PTCHD4: variants seen among roughly 807,000 people sequenced by gnomAD.
The protein encoded by PTCHD4 is patched domain containing 4.
PTCHD4 carries 33 observed loss-of-function variants against 58.1 expected under a neutral mutation model. The ratio of observed to expected loss-of-function variants is 0.57; its 90% CI spans 0.43 to 0.76. The LOEUF is 0.76. Among genes scored for constraint, PTCHD4 ranks in the 30% least tolerant of loss-of-function variants. The pLI is 0.00. For synonymous variants in PTCHD4, 478 were observed against 409.6 expected (o/e 1.17, Z -2.02); for missense variants, 1,058 against 1,027.1 (o/e 1.03, Z -0.41).
At chr6:48,103,224 T>C (rs1265441105) in intron 1 of PTCHD4, among the ~76,000 whole-genome samples, 1 of 152,106 alleles carries the variant, frequency 6.6e-6, no homozygotes, top group Non-Finnish European at 1.5e-5. Flanking sequence ...GACTGACACC[T>C]CACACGGCCG....
chr6:48,042,839 A>T lies in PTCHD4; in HGVS notation c.417+25391T>A, dbSNP rs576031445. On this transcript the variant is annotated intron_variant, in intron 3 of 4. Coordinates refer to ENST00000339488, the MANE Select transcript of PTCHD4 (RefSeq NM_001384253.1). ...TCTATCAATAAGGTGATTAATCAGA[A>T]ACTACTGCCAACAAAATCCAGCACC... 5.9e-5 allele frequency among the ~76,000 whole-genome samples: 9 copies of T among 152,026 alleles called. No individual in the cohort carries two copies. In the East Asian group the frequency reaches 1.7e-3, roughly 29 times the overall value.
At chr6:47,906,624 C>T (rs1177616159) in intron 4 of PTCHD4, among the ~76,000 whole-genome samples, 1 of 152,198 alleles carries the variant, frequency 6.6e-6, no homozygotes, top group East Asian at 1.9e-4. Flanking sequence ...GCCCAAAACC[C>T]AATTTCTTCA....
At chr6:48,052,844 C>G (rs1764279280) in intron 3 of PTCHD4, among the ~76,000 whole-genome samples, 1 of 152,128 alleles carries the variant, frequency 6.6e-6, no homozygotes, top group South Asian at 2.1e-4. Flanking sequence ...AGAAAACATC[C>G]TTTCACCTTA....
At chr6:48,089,596 C>T (rs947262731) in intron 1 of PTCHD4, among the ~76,000 whole-genome samples, 8 of 151,950 alleles carry the variant, frequency 5.3e-5, no homozygotes, top group Admixed American at 3.9e-4. Flanking sequence ...CTTTATTGAC[C>T]CGTTATTGAA....
chr6:47,892,904 C>G (rs897403766), intron 4 of PTCHD4, among the ~76,000 whole-genome samples: 2 of 152,140 alleles, frequency 1.3e-5, no homozygotes, highest in Non-Finnish European at 2.9e-5. Context: ...ACCAGTTAAC[C>G]CAAAAGTTCA....
chr6:47,890,274 A>G (rs1036166659), intron 4 of PTCHD4, among the ~76,000 whole-genome samples: 1 of 152,080 alleles, frequency 6.6e-6, no homozygotes, highest in South Asian at 2.1e-4. Flanking sequence ...GAGATGGGAG[A>G]TGGGGATGCC....
chr6:48,010,814 T>A (rs1762641284), intron 3 of PTCHD4, among the ~76,000 whole-genome samples: 2 of 152,140 alleles, frequency 1.3e-5, no homozygotes, highest in African/African-American at 4.8e-5. Context: ...GTTCTTGTTG[T>A]TCAACTCCCA....
Position 47,988,183 on chromosome 6 carries a change from T to C in PTCHD4, c.898+20451A>G, listed in dbSNP as rs567679838. Among the ~76,000 whole-genome samples, 7 of 152,340 alleles carry C rather than the reference T, an allele frequency of 4.6e-5. No individual in the cohort carries two copies. In the South Asian group the frequency reaches 1.2e-3, roughly 27 times the overall value. The stretch of plus-strand genomic sequence containing the variant: ...ATTGTATTATAGATGGGTCTTTGTA[T>C]ACATTTACACATTGGACAGGGAACC... On this transcript the variant is annotated intron_variant, in intron 4 of 4. Transcript: ENST00000339488.
intron 4 of PTCHD4, among the ~76,000 whole-genome samples, chr6:48,000,756 G>A (rs1011700205): frequency 6.6e-6 from 1 of 152,164 alleles, no homozygotes; most frequent in African/African-American, 2.4e-5. Context: ...AACTGTCTAT[G>A]AAATGACTCC....
intron 4 of PTCHD4, among the ~76,000 whole-genome samples, chr6:47,888,311 A>C (rs1764258074): frequency 6.6e-6 from 1 of 152,126 alleles, no homozygotes; most frequent in Non-Finnish European, 1.5e-5. Flanking sequence ...GAGCCAAGAT[A>C]GCGCCACTGC....
intron 1 of PTCHD4, among the ~76,000 whole-genome samples, chr6:48,084,036 G>A (rs1765215111): frequency 6.7e-6 from 1 of 149,918 alleles, no homozygotes; most frequent in Non-Finnish European, 1.5e-5. Context: ...CTATAGCAGT[G>A]ATTAAAAAAA....
Position 47,866,159 on chromosome 6 carries a change from T to C in PTCHD4, c.*12144A>G, listed in dbSNP as rs1763557765. The stretch of plus-strand genomic sequence containing the variant: ...TTCTGGCTTATATTCTAGTTATAGA[T>C]GTCACAGACGCTTTTGTCTTGTGAC... On this transcript the variant is annotated 3_prime_UTR_variant, in exon 5 of 5. Transcript: ENST00000339488. Among the ~76,000 whole-genome samples, 1 of 151,934 alleles carries C rather than the reference T, an allele frequency of 6.6e-6. No individual in the cohort carries two copies. Among genetic ancestry groups the C allele is most frequent in the South Asian group, 2.1e-4 (1 of 4,834 alleles).
At chr6:47,885,701 T>G (rs1190116344) in intron 4 of PTCHD4, among the ~76,000 whole-genome samples, 1 of 152,216 alleles carries the variant, frequency 6.6e-6, no homozygotes, top group African/African-American at 2.4e-5. Flanking sequence ...CCAGCCTTCC[T>G]TTAAGAACAT....
At chr6:47,963,196 A>G (rs928093640) in intron 4 of PTCHD4, among the ~76,000 whole-genome samples, 2 of 152,040 alleles carry the variant, frequency 1.3e-5, no homozygotes, top group Non-Finnish European at 2.9e-5. Context: ...GATTAAATAG[A>G]CATTCCTAAA....
rs1034246724 is a variant in PTCHD4 at position 48,069,927 on chromosome 6, C to T, written c.-969-1G>A. On this transcript the variant is annotated splice_acceptor_variant, in intron 1 of 4. Coordinates refer to ENST00000339488, the MANE Select transcript of PTCHD4 (RefSeq NM_001384253.1). LOFTEE classifies it low-confidence loss of function (5UTR_SPLICE). ...TTCCAGACACACCAGGTAGTTTTGC[C>T]TGAAAAAAAAGAGAGTCGGGTGGGT... Among the ~76,000 whole-genome samples, 5 of 151,462 alleles carry T rather than the reference C, an allele frequency of 3.3e-5. No homozygotes were observed. The highest frequency in any genetic ancestry group is 2.0e-4 in the Admixed American group (3 of 15,222).
At chr6:48,101,390 C>G (rs996025207) in intron 1 of PTCHD4, among the ~76,000 whole-genome samples, 10 of 152,098 alleles carry the variant, frequency 6.6e-5, no homozygotes, top group Non-Finnish European at 1.5e-4. Flanking sequence ...TATGCTAAAG[C>G]AAACCCAGTG....
chr6:47,981,387 A>T (rs1767877559), intron 4 of PTCHD4, among the ~76,000 whole-genome samples: 1 of 150,558 alleles, frequency 6.6e-6, no homozygotes. Flanking sequence ...TTTTTTTCTG[A>T]GTTCTGCCAG....
rs1329613726 is a variant in PTCHD4 at position 47,915,814 on chromosome 6, C to T, written c.899-35878G>A. Among the ~76,000 whole-genome samples, 3 of 152,100 alleles carry T rather than the reference C, an allele frequency of 2.0e-5. No homozygotes were observed. The South Asian group carries it at 6.2e-4, about 31-fold the overall frequency. ...ACAAAGTACCTGAGAACACCCCTAA[C>T]TTCACAAAATCAGTAACAAAGGCTG... On this transcript the variant is annotated intron_variant, in intron 4 of 4. Transcript: ENST00000339488.
intron 4 of PTCHD4, chr6:47,900,637 A>T (rs1279202658): frequency 6.6e-6 from 1 of 152,068 alleles, no homozygotes; most frequent in Non-Finnish European, 1.5e-5. Context: ...ATTAAATATG[A>T]TATTAGCTTT....
Sources: gnomAD v4.1 joint callset for allele counts (sites outside exome capture counted in the v4.1 genomes callset) on GRCh38, gnomAD v4.1.1 for gene constraint, MANE v1.5 for transcripts, NCBI Gene and HGNC (gene_info 2026-07-23, HGNC 2026-07-21) for gene names.